Variants in UBAP1 observed in about 807,000 individuals in gnomAD.
UBAP1 encodes ubiquitin associated protein 1.
A neutral mutation model predicts 39.0 loss-of-function variants in UBAP1; 5 were observed. The observed-to-expected ratio is 0.13, with a 90% CI of 0.07 to 0.27. The LOEUF (loss-of-function observed/expected upper bound fraction) is 0.27. UBAP1 is among the 10% of genes least tolerant of loss of function. The probability of loss-of-function intolerance (pLI) is 1.00; values close to 1 mark genes in which losing one functional copy is unlikely to be tolerated. For missense variants in UBAP1, 490 were observed against 608.1 expected, an observed-to-expected ratio of 0.81 and a Z score of 2.04; for synonymous variants, 211 against 225.1, an observed-to-expected ratio of 0.94 and a Z score of 0.56.
In UBAP1 at chr9:34,233,333, TG is replaced by T. The variant is rs1322410628; in HGVS notation, c.35-882del. ...GTCTCCTGGGTTCAAGCGATTCTCC[TG>T]CCTTAGCCTCCTGAGTAGCTGGGTT... is the stretch of plus-strand genomic sequence containing the variant. On this transcript the variant is annotated intron_variant, in intron 2 of 6. Coordinates refer to ENST00000297661, the MANE Select transcript of UBAP1 (RefSeq NM_016525.5). Among the ~76,000 whole-genome samples the T allele has an allele frequency of 2.6e-5, 4 of 152,080 alleles. No individual in the cohort carries two copies. The South Asian group carries it at 6.2e-4, about 24-fold the overall frequency.
intron 2 of UBAP1, 75 bp from the exon 3 acceptor site, chr9:34,234,141 C>A: frequency 6.9e-7 from 1 of 1,457,172 alleles, no homozygotes; most frequent in Non-Finnish European, 9.2e-7. Flanking sequence ...AATGCATATC[C>A]GTTAGACATA....
chr9:34,199,427 AT>A (rs1831241926), intron 1 of UBAP1, among the ~76,000 whole-genome samples: 1 of 152,124 alleles, frequency 6.6e-6, no homozygotes, highest in African/African-American at 2.4e-5. Flanking sequence ...TTTTGGAATA[AT>A]TTTAGATTTA....
intron 1 of UBAP1, among the ~76,000 whole-genome samples, chr9:34,183,401 C>G (rs1358833925): frequency 2.0e-5 from 3 of 151,344 alleles, no homozygotes; most frequent in Admixed American, 1.3e-4. Flanking sequence ...AAAAATTAGC[C>G]GGGCGTGGTG....
chr9:34,238,380 T>G (rs944587007), intron 3 of UBAP1, among the ~76,000 whole-genome samples: 2 of 152,220 alleles, frequency 1.3e-5, no homozygotes, highest in African/African-American at 4.8e-5. Flanking sequence ...GGGTATAATG[T>G]ATAGGAATGG....
chr9:34,182,627 C>CTTTA lies in UBAP1; in HGVS notation c.-8+3390_-8+3391insATTT, dbSNP rs1563880902. Among the ~76,000 whole-genome samples the CTTTA allele has an allele frequency of 6.1e-3, 282 of 46,210 alleles. 1 individual carries two copies. Among genetic ancestry groups the CTTTA allele is most frequent in the Non-Finnish European group, 9.2e-3 (181 of 19,698 alleles). The allele number at this position is 46,210 out of a possible 152,430, so 30.3% of individuals were successfully genotyped here. A position where few individuals can be genotyped will look rare whatever the true frequency, so the allele number is the denominator to read the frequency against. ...TTTTTCTTTCTTTCCTTCTTTCTTT[C>CTTTA]TTTCTTTCTTTCTTTCTTTCTTTCT... On this transcript the variant is annotated intron_variant, in intron 1 of 6. Coordinates refer to ENST00000297661, the MANE Select transcript of UBAP1 (RefSeq NM_016525.5).
chr9:34,228,942 A>C (rs1299461811), intron 2 of UBAP1, among the ~76,000 whole-genome samples: 1 of 151,860 alleles, frequency 6.6e-6, no homozygotes, highest in African/African-American at 2.4e-5. Flanking sequence ...TCCAGTAATC[A>C]CTGAACTATT....
intron 4 of UBAP1, among the ~76,000 whole-genome samples, chr9:34,247,949 T>G (rs1834263364): frequency 6.6e-6 from 1 of 152,214 alleles, no homozygotes; most frequent in African/African-American, 2.4e-5. Flanking sequence ...AGCAGTTTTC[T>G]GGATTTATGC....
chr9:34,236,195 C>G (rs1471456894), intron 3 of UBAP1, among the ~76,000 whole-genome samples: 3 of 151,938 alleles, frequency 2.0e-5, no homozygotes, highest in African/African-American at 7.3e-5. Flanking sequence ...TTTACTGTAC[C>G]TTTTCTATGT....
chr9:34,223,755 C>T (rs925841340), intron 2 of UBAP1, among the ~76,000 whole-genome samples: 2 of 152,106 alleles, frequency 1.3e-5, no homozygotes, highest in Non-Finnish European at 2.9e-5. Flanking sequence ...GTGCCCGGCC[C>T]AAAGTGTTAT....
chr9:34,205,532 A>G (rs1251538869), intron 1 of UBAP1, among the ~76,000 whole-genome samples: 1 of 152,194 alleles, frequency 6.6e-6, no homozygotes, highest in Non-Finnish European at 1.5e-5. Context: ...ACAATTAGCT[A>G]TTAAATTTTC....
At chr9:34,193,066 G>C (rs1830822185) in intron 1 of UBAP1, among the ~76,000 whole-genome samples, 1 of 152,126 alleles carries the variant, frequency 6.6e-6, no homozygotes, top group Non-Finnish European at 1.5e-5. Context: ...CCAGAACTTT[G>C]GGAGGCGAGG....
rs1225433201 is a variant in UBAP1 at position 34,252,434 on chromosome 9, C to G, written c.*902C>G. On this transcript the variant is annotated 3_prime_UTR_variant, in exon 7 of 7. Coordinates refer to ENST00000297661, the MANE Select transcript of UBAP1 (RefSeq NM_016525.5). The stretch of plus-strand genomic sequence containing the variant: ...TTGTACATCATTAAAGATCTAAATA[C>G]AAAGGATATACAGTCTTGAATCTAA... The G allele has an allele frequency of 6.6e-6, 1 of 151,546 alleles. No homozygotes were observed. Among genetic ancestry groups the G allele is most frequent in the African/African-American group, 2.4e-5 (1 of 41,122 alleles). 9.4% of individuals were successfully genotyped at this position (151,546 alleles called of 1,614,324 possible). A position where few individuals can be genotyped will look rare whatever the true frequency, so the allele number is the denominator to read the frequency against.
Position 34,225,311 on chromosome 9 carries a change from A to G in UBAP1, c.34+4363A>G, listed in dbSNP as rs1429577660. 2.6e-5 allele frequency among the ~76,000 whole-genome samples: 4 copies of G among 152,118 alleles called. No homozygotes were observed. The East Asian group carries it at 7.7e-4, about 29-fold the overall frequency. On this transcript the variant is annotated intron_variant, in intron 2 of 6. Coordinates refer to ENST00000297661, the MANE Select transcript of UBAP1 (RefSeq NM_016525.5). Reference sequence around the variant, plus strand: ...TTTACCTCTGAGTTCATTATTTTCAACTAAAGTTGAACAACTTCACTGTTA... The same window carrying G: ...TTTACCTCTGAGTTCATTATTTTCAGCTAAAGTTGAACAACTTCACTGTTA...
chr9:34,224,445 C>T, intron 2 of UBAP1: 1 of 395,506 alleles, frequency 2.5e-6, no homozygotes, highest in Admixed American at 3.5e-5. Flanking sequence ...AAATTCCCTA[C>T]ATGCAGCCTT....
rs1554650845 is a variant in UBAP1, at chr9:34,226,131, G to GTGTGTGTGTT, written c.34+5192_34+5193insTTGTGTGTGT. Reference sequence around the variant, plus strand: ...TGTGTGTGTGTGTGTGTGTGTGTGTGTGTGTGTGTGTGTGTGTGTGTGTGT... The same window carrying GTGTGTGTGTT: ...TGTGTGTGTGTGTGTGTGTGTGTGTGTGTGTGTGTTTGTGTGTGTGTGTGTGTGTGTGTGT... On this transcript the variant is annotated intron_variant, in intron 2 of 6. Coordinates refer to ENST00000297661, the MANE Select transcript of UBAP1 (RefSeq NM_016525.5). 7.7e-4 allele frequency among the ~76,000 whole-genome samples: 110 copies of GTGTGTGTGTT among 143,676 alleles called. No individual in the cohort carries two copies. In the Middle Eastern group the frequency reaches 0.015, roughly 19 times the overall value. The allele number at this position is 143,676 out of a possible 152,430, so 94.3% of individuals were successfully genotyped here. A position where few individuals can be genotyped will look rare whatever the true frequency, so the allele number is the denominator to read the frequency against.
chr9:34,204,334 A>G (rs1001145318), intron 1 of UBAP1, among the ~76,000 whole-genome samples: 4 of 152,222 alleles, frequency 2.6e-5, no homozygotes, highest in African/African-American at 7.2e-5. Context: ...TGTATTAGTT[A>G]CTTGTAGAGG....
intron 1 of UBAP1, among the ~76,000 whole-genome samples, chr9:34,216,532 C>T (rs1039091845): frequency 6.6e-6 from 1 of 151,698 alleles, no homozygotes; most frequent in East Asian, 1.9e-4. Flanking sequence ...ACTCTGTTGC[C>T]CAGGCTGCAG....
chr9:34,227,475 C>A (rs1010961023), intron 2 of UBAP1, among the ~76,000 whole-genome samples: 1 of 152,124 alleles, frequency 6.6e-6, no homozygotes, highest in Non-Finnish European at 1.5e-5. Flanking sequence ...AAATATTATG[C>A]ATTTGCTATC....
In UBAP1 at chr9:34,179,161, C is replaced by T; in HGVS notation, c.-87C>T. The T allele has an allele frequency of 8.1e-7, 1 of 1,240,452 alleles. No individual in the cohort carries two copies. The highest frequency in any genetic ancestry group is 1.5e-5 in the African/African-American group (1 of 64,572). The allele number at this position is 1,240,452 out of a possible 1,614,324, so 76.8% of individuals were successfully genotyped here. On this transcript the variant is annotated 5_prime_UTR_variant, in exon 1 of 7. Transcript: ENST00000297661. ...CGCTCTCCCTAGGGGCTGTCGGGAG[C>T]TCAGCGGGGACCGAGCCTGGGAGGC... is the stretch of plus-strand genomic sequence containing the variant.
Sources: gnomAD v4.1 joint callset for allele counts (sites outside exome capture counted in the v4.1 genomes callset) on GRCh38, gnomAD v4.1.1 for gene constraint, MANE v1.5 for transcripts, NCBI Gene and HGNC (gene_info 2026-07-23, HGNC 2026-07-21) for gene names.